Variants in ELMO1 observed in about 807,000 individuals in gnomAD.
The protein encoded by ELMO1 is engulfment and cell motility 1.
A neutral mutation model predicts 98.9 loss-of-function variants in ELMO1; 26 were observed. The observed-to-expected ratio is 0.26, with a 90% confidence interval of 0.19 to 0.36. ELMO1 has a LOEUF of 0.36. Among genes scored for constraint, ELMO1 ranks in the 10% least tolerant of loss-of-function variants. ELMO1 has a pLI of 1.00. For missense variants in ELMO1, 627 were observed against 935.2 expected (o/e 0.67, Z 4.30); for synonymous variants, 346 against 346.0 (o/e 1.00, Z 0.00).
intron 1 of ELMO1, among the ~76,000 whole-genome samples, chr7:37,401,752 G>A (rs1414063103): frequency 6.6e-6 from 1 of 152,030 alleles, no homozygotes; most frequent in African/African-American, 2.4e-5. Context: ...TTACCTCCTA[G>A]TAGGTCCCTC....
intron 1 of ELMO1, among the ~76,000 whole-genome samples, chr7:37,348,421 C>G (rs756815052): frequency 1.7e-4 from 26 of 152,064 alleles, no homozygotes; most frequent in Admixed American, 5.2e-4. Flanking sequence ...GAATGCTATA[C>G]CGTTCCTGCT....
chr7:37,372,221 C>T (rs1802145867), intron 1 of ELMO1, among the ~76,000 whole-genome samples: 2 of 151,470 alleles, frequency 1.3e-5, no homozygotes, highest in South Asian at 4.2e-4. Context: ...GGAAACTACC[C>T]CAAAAAAGTT....
At chr7:36,956,837 C>T (rs1030935890) in intron 16 of ELMO1, among the ~76,000 whole-genome samples, 5 of 152,198 alleles carry the variant, frequency 3.3e-5, no homozygotes, top group East Asian at 1.9e-4. Context: ...ATTACAACGC[C>T]GGAAAAAATG....
intron 14 of ELMO1, among the ~76,000 whole-genome samples, chr7:37,112,818 C>T (rs187244536): frequency 6.6e-6 from 1 of 152,200 alleles, no homozygotes; most frequent in Admixed American, 6.5e-5. Context: ...CTGGGTGCAC[C>T]AGGTGTACAG....
chr7:37,292,195 C>G (rs1219125904), intron 4 of ELMO1, among the ~76,000 whole-genome samples: 1 of 115,564 alleles, frequency 8.7e-6, no homozygotes, highest in East Asian at 2.1e-4. Context: ...AGTGATCCGC[C>G]AGCCTCGGCC....
At chr7:37,160,176 C>T (rs1584739647) in intron 13 of ELMO1, among the ~76,000 whole-genome samples, 1 of 152,198 alleles carries the variant, frequency 6.6e-6, no homozygotes, top group East Asian at 1.9e-4. Flanking sequence ...CTATCTTCTC[C>T]CTGTGCTGTA....
chr7:37,195,964 A>G (rs1791940846), intron 13 of ELMO1, among the ~76,000 whole-genome samples: 1 of 152,230 alleles, frequency 6.6e-6, no homozygotes, highest in African/African-American at 2.4e-5. Context: ...TTCAGGCTCC[A>G]TCTATGAACA....
intron 15 of ELMO1, among the ~76,000 whole-genome samples, chr7:37,093,351 ATCTT>A (rs890214127): frequency 6.6e-6 from 1 of 152,204 alleles, no homozygotes; most frequent in Non-Finnish European, 1.5e-5. Context: ...AGAAAATTGG[ATCTT>A]TCTACTTTTG....
chr7:37,382,835 G>A (rs1802635354), intron 1 of ELMO1, among the ~76,000 whole-genome samples: 1 of 151,652 alleles, frequency 6.6e-6, no homozygotes, highest in African/African-American at 2.4e-5. Flanking sequence ...CCAGGTGTAT[G>A]CATGCTGCAT....
rs981961315 is a variant in ELMO1 at position 36,870,767 on chromosome 7, T to C, written c.1823-292A>G. 2.0e-5 allele frequency among the ~76,000 whole-genome samples: 3 copies of C among 152,224 alleles called. No homozygotes were observed. The highest frequency in any genetic ancestry group is 4.4e-5 in the Non-Finnish European group (3 of 68,040). On this transcript the variant is annotated intron_variant, in intron 19 of 21. Transcript: ENST00000310758. This position sits in a 1 kb window ranked among gnomAD's most constrained non-coding sequence, Gnocchi z 4.4. ...AAAAAACACCCATCATAGTACTGTT[T>C]GAAGTCATGGCATTAGAAGCAGCAG... is the stretch of plus-strand genomic sequence containing the variant.
rs559465941 is a variant in ELMO1 at position 37,244,845 on chromosome 7, C to G, written c.414-454G>C. 7.9e-5 allele frequency among the ~76,000 whole-genome samples: 12 copies of G among 152,252 alleles called. No homozygotes were observed. The South Asian group carries it at 2.5e-3, about 32-fold the overall frequency. On this transcript the variant is annotated intron_variant, in intron 6 of 21. Transcript: ENST00000310758. The stretch of plus-strand genomic sequence containing the variant: ...TTCTCTTTTCTCTCTCAGGTGGCTT[C>G]TTCTGTGGGAAGATGCTGCAATCAA...
intron 1 of ELMO1, among the ~76,000 whole-genome samples, chr7:37,372,829 C>A (rs1047936254): frequency 4.6e-5 from 7 of 152,186 alleles, no homozygotes; most frequent in South Asian, 2.1e-4. Context: ...TGGTGCTTCT[C>A]AACATACTTT....
At chr7:37,122,850 C>T (rs1786172662) in intron 14 of ELMO1, among the ~76,000 whole-genome samples, 1 of 152,126 alleles carries the variant, frequency 6.6e-6, no homozygotes, top group Admixed American at 6.5e-5. Flanking sequence ...CAGCACCACA[C>T]CACACCTAGT....
intron 20 of ELMO1, among the ~76,000 whole-genome samples, chr7:36,868,348 C>CTTCTT (rs754978396): frequency 1.4e-5 from 2 of 140,638 alleles, no homozygotes; most frequent in African/African-American, 2.7e-5. Flanking sequence ...TCTTCTTCTT[C>CTTCTT]TTTTTTTTTT....
chr7:37,055,891 G>C (rs1562926203), intron 15 of ELMO1, among the ~76,000 whole-genome samples: 1 of 152,068 alleles, frequency 6.6e-6, no homozygotes, highest in Non-Finnish European at 1.5e-5. Flanking sequence ...CTGTAGTCTC[G>C]GCTGTAAGGG....
intron 4 of ELMO1, among the ~76,000 whole-genome samples, chr7:37,294,582 C>T (rs769444336): frequency 2.6e-5 from 4 of 152,186 alleles, no homozygotes; most frequent in Admixed American, 6.5e-5. Context: ...AACTTTTAAA[C>T]AGCCCCACAC....
chr7:36,985,164 A>G, intron 16 of ELMO1: 7 of 951,634 alleles, frequency 7.4e-6, no homozygotes, highest in Non-Finnish European at 8.8e-6. Context: ...GAGCAGAGCA[A>G]TAGCTCAGAG....
At chr7:36,924,571 TCTC>T (rs1562828439) in intron 16 of ELMO1, among the ~76,000 whole-genome samples, 1 of 152,224 alleles carries the variant, frequency 6.6e-6, no homozygotes, top group African/African-American at 2.4e-5. Flanking sequence ...AAATGTGTTT[TCTC>T]CTGCTGAAGC....
chr7:37,147,358 C>G (rs1331390288), intron 13 of ELMO1, among the ~76,000 whole-genome samples: 3 of 152,136 alleles, frequency 2.0e-5, no homozygotes, highest in Non-Finnish European at 4.4e-5. Context: ...TTCCGCTCAT[C>G]TCTCTCATTC....
Sources: allele counts gnomAD v4.1 joint callset (sites outside exome capture counted in the v4.1 genomes callset), GRCh38; gene constraint gnomAD v4.1.1; non-coding constraint Gnocchi (gnomAD v3.1); transcripts MANE v1.5; gene names NCBI Gene and HGNC (gene_info 2026-07-23, HGNC 2026-07-21).